The following CPD variants were observed in gnomAD, a reference collection of about 807,000 sequenced individuals.
CPD encodes the protein metallocarboxypeptidase D.
In CPD, 69 loss-of-function variants were observed where a neutral mutation model predicts 138.3. The ratio of observed to expected loss-of-function variants is 0.50; its 90% CI spans 0.41 to 0.61. The LOEUF (loss-of-function observed/expected upper bound fraction) is 0.61. Among genes scored for constraint, CPD ranks in the 20% least tolerant of loss-of-function variants. The pLI, the probability that CPD is intolerant of heterozygous loss-of-function variation, is 0.00. For missense variants in CPD, 1,432 were observed against 1,733.3 expected, an observed-to-expected ratio of 0.83 and a Z score of 3.09; for synonymous variants, 651 against 642.1, an observed-to-expected ratio of 1.01 and a Z score of -0.21.
At chr17:30,414,092 G>A (rs938626962) in intron 2 of CPD, among the ~76,000 whole-genome samples, 4 of 152,188 alleles carry the variant, frequency 2.6e-5, no homozygotes, top group African/African-American at 4.8e-5. Context: ...GGGTGATGGG[G>A]ATCAAATCAT....
At chr17:30,459,492 G>A (rs1056269727) in intron 17 of CPD, among the ~76,000 whole-genome samples, 32 of 151,614 alleles carry the variant, frequency 2.1e-4, no homozygotes, top group East Asian at 1.9e-4. Flanking sequence ...TTGTCCTTGC[G>A]ATAGTTTGCT....
chr17:30,441,971 G>C (rs1912881829), intron 9 of CPD, among the ~76,000 whole-genome samples: 1 of 151,034 alleles, frequency 6.6e-6, no homozygotes, highest in South Asian at 2.1e-4. Context: ...GATTGGAATA[G>C]TTTCAGAAGG....
intron 9 of CPD, 38 bp downstream of exon 9, chr17:30,439,115 G>A: frequency 3.4e-6 from 4 of 1,177,416 alleles, no homozygotes; most frequent in Non-Finnish European, 3.7e-6. Flanking sequence ...ACAACTTGAT[G>A]GCCTTTCTGC....
chr17:30,385,608 C>G (rs183801015), intron 2 of CPD, among the ~76,000 whole-genome samples: 1 of 152,116 alleles, frequency 6.6e-6, no homozygotes, highest in East Asian at 1.9e-4. Flanking sequence ...AGTTCCTCAG[C>G]ATGTATTTCC....
At chr17:30,387,397 A>G (rs896902626) in intron 2 of CPD, among the ~76,000 whole-genome samples, 8 of 152,226 alleles carry the variant, frequency 5.3e-5, no homozygotes, top group Non-Finnish European at 7.3e-5. Flanking sequence ...GGAATTATGT[A>G]TGAGCCACCG....
intron 14 of CPD, among the ~76,000 whole-genome samples, chr17:30,453,389 A>G (rs1696316314): frequency 6.6e-6 from 1 of 152,232 alleles, no homozygotes; most frequent in African/African-American, 2.4e-5. Context: ...CAGGGCAGTC[A>G]AATCTTAAAA....
At chr17:30,444,412 G>A (rs986880657) in intron 11 of CPD, among the ~76,000 whole-genome samples, 3 of 151,100 alleles carry the variant, frequency 2.0e-5, no homozygotes, top group African/African-American at 7.3e-5. Flanking sequence ...AGTTGATGAA[G>A]CACAAAGAAC....
At chr17:30,403,241 C>G (rs1389812358) in intron 2 of CPD, among the ~76,000 whole-genome samples, 3 of 152,162 alleles carry the variant, frequency 2.0e-5, no homozygotes, top group Non-Finnish European at 2.9e-5. Context: ...GTTTTCAAAG[C>G]CTTTATAGTG....
chr17:30,462,195 T>C lies in CPD; in HGVS notation c.3816+133T>C, dbSNP rs1597739716. On this transcript the variant is annotated intron_variant, in intron 19 of 20. Transcript: ENST00000225719. ...AAGTGTGACTGCCTCTTGATTATGA[T>C]ATCTTGTTATCCTTGTACCCCTTGC... 1.5e-5 allele frequency: 16 copies of C among 1,076,248 alleles called. No individual in the cohort carries two copies. The East Asian group carries it at 3.9e-4, about 26-fold the overall frequency. The allele number at this position is 1,076,248 out of a possible 1,614,324, so 66.7% of individuals were successfully genotyped here. A position where few individuals can be genotyped will look rare whatever the true frequency, so the allele number is the denominator to read the frequency against.
intron 12 of CPD, among the ~76,000 whole-genome samples, chr17:30,448,638 C>G (rs1222565182): frequency 6.6e-6 from 1 of 152,084 alleles, no homozygotes; most frequent in Non-Finnish European, 1.5e-5. Flanking sequence ...TCCCTTTATG[C>G]TAAAGAAAGC....
At chr17:30,381,345 G>T (rs996993247) in intron 1 of CPD, among the ~76,000 whole-genome samples, 1 of 152,052 alleles carries the variant, frequency 6.6e-6, no homozygotes, top group African/African-American at 2.4e-5. Context: ...TCCTTGCAGG[G>T]ATGTAAATTC....
rs994007563 is a variant in CPD at position 30,468,445 on chromosome 17, C to G, written c.*3631C>G. 6.6e-6 allele frequency: 1 copy of G among 152,554 alleles called. No individual in the cohort carries two copies. Among genetic ancestry groups the G allele is most frequent in the African/African-American group, 2.4e-5 (1 of 41,430 alleles). 9.5% of individuals were successfully genotyped at this position (152,554 alleles called of 1,614,324 possible). A position where few individuals can be genotyped will look rare whatever the true frequency, so the allele number is the denominator to read the frequency against. On this transcript the variant is annotated 3_prime_UTR_variant, in exon 21 of 21. Coordinates refer to ENST00000225719, the MANE Select transcript of CPD (RefSeq NM_001304.5). ...GTGATACTCCCAGTTCTAGAGCAAT[C>G]TACAGCTGTTTATGTGAGGTGCCCA... is the stretch of plus-strand genomic sequence containing the variant.
Position 30,407,585 on chromosome 17 carries a change from C to T in CPD, c.995-13256C>T, listed in dbSNP as rs1459227618. ...TGACCAGTGATGATGAGCATTTTTTCCTGTGTCTGTTGGCTGCATAAATGT... is the reference window on the plus strand; with the variant it reads ...TGACCAGTGATGATGAGCATTTTTTTCTGTGTCTGTTGGCTGCATAAATGT... On this transcript the variant is annotated intron_variant, in intron 2 of 20. Transcript: ENST00000225719. Among the ~76,000 whole-genome samples, 3 of 152,160 alleles carry T rather than the reference C, an allele frequency of 2.0e-5. No homozygotes were observed. The East Asian group carries it at 5.8e-4, about 29-fold the overall frequency.
intron 12 of CPD, among the ~76,000 whole-genome samples, chr17:30,446,546 G>A (rs1244947623): frequency 6.6e-6 from 1 of 152,136 alleles, no homozygotes; most frequent in East Asian, 1.9e-4. Flanking sequence ...TGGTGTATAT[G>A]TGCCACATTT....
chr17:30,401,364 TCC>T (rs1452316135), intron 2 of CPD, among the ~76,000 whole-genome samples: 23 of 151,734 alleles, frequency 1.5e-4, no homozygotes, highest in African/African-American at 3.1e-4. Flanking sequence ...CTCTTCTTCC[TCC>T]TCTTCCTCTT....
intron 8 of CPD, among the ~76,000 whole-genome samples, chr17:30,436,508 C>T (rs1045933111): frequency 1.3e-5 from 2 of 152,080 alleles, no homozygotes; most frequent in African/African-American, 4.8e-5. Context: ...GGCCAATAAG[C>T]ACATGAAAAG....
chr17:30,415,248 C>T lies in CPD; in HGVS notation c.995-5593C>T, dbSNP rs1912074546. Among the ~76,000 whole-genome samples the T allele has an allele frequency of 2.0e-5, 3 of 152,190 alleles. No individual in the cohort carries two copies. The South Asian group carries it at 6.2e-4, about 31-fold the overall frequency. ...AAGTCACCATTATCTTCTAATACAT[C>T]TCCATGCTTCCCCATTTGTCCCCCT... On this transcript the variant is annotated intron_variant, in intron 2 of 20. Coordinates refer to ENST00000225719, the MANE Select transcript of CPD (RefSeq NM_001304.5).
At chr17:30,409,349 T>C (rs1046127190) in intron 2 of CPD, among the ~76,000 whole-genome samples, 1 of 133,256 alleles carries the variant, frequency 7.5e-6, no homozygotes, top group African/African-American at 2.4e-5. Flanking sequence ...CAGGCTTTGG[T>C]TATCAGGATG....
chr17:30,440,095 G>T (rs1224658318), intron 9 of CPD, among the ~76,000 whole-genome samples: 19 of 136,396 alleles, frequency 1.4e-4, no homozygotes, highest in Non-Finnish European at 2.3e-4. Context: ...TTTAATGATT[G>T]CCATTCTAAC....
Sources: allele counts gnomAD v4.1 joint callset (sites outside exome capture counted in the v4.1 genomes callset), GRCh38; gene constraint gnomAD v4.1.1; transcripts MANE v1.5; gene names NCBI Gene and HGNC (gene_info 2026-07-23, HGNC 2026-07-21).